Variants in WWOX observed in about 807,000 individuals in gnomAD.
WWOX encodes WW domain-containing oxidoreductase.
A neutral mutation model predicts 46.2 loss-of-function variants in WWOX; 69 were observed. The observed-to-expected ratio is 1.49, with a 90% CI of 1.23 to 1.82. WWOX has a LOEUF of 1.82. Ranked by LOEUF, WWOX falls within the 40% of genes most tolerant of loss-of-function variation. The pLI, the probability that WWOX is intolerant of heterozygous loss-of-function variation, is 0.00. For synonymous variants in WWOX, 359 were observed against 202.6 expected (o/e 1.77, Z -6.56); for missense variants, 919 against 542.6 (o/e 1.69, Z -6.89).
intron 8 of WWOX, among the ~76,000 whole-genome samples, chr16:78,772,551 T>C (rs2050089900): frequency 6.6e-6 from 1 of 152,216 alleles, no homozygotes; most frequent in South Asian, 2.1e-4. Context: ...TGTGAAGTTA[T>C]TATCTTCCCT....
At chr16:78,691,297 G>A (rs117800143) in intron 8 of WWOX, 11,112 of 701,500 alleles carry the variant, frequency 0.016, 139 homozygotes, top group South Asian at 0.034. Context: ...ACTTTGGTGA[G>A]TTCTTACCTT....
intron 5 of WWOX, among the ~76,000 whole-genome samples, chr16:78,239,486 C>T (rs1451284870): frequency 6.6e-6 from 1 of 152,134 alleles, no homozygotes; most frequent in Non-Finnish European, 1.5e-5. Context: ...CTTCCCAGGC[C>T]CCTCTATCCC....
chr16:78,359,867 C>T (rs958705721), intron 5 of WWOX, among the ~76,000 whole-genome samples: 1 of 152,148 alleles, frequency 6.6e-6, no homozygotes, highest in Admixed American at 6.6e-5. Flanking sequence ...TTTGTTTTGA[C>T]ACAGCAAAAA....
chr16:79,171,144 C>T (rs1473624651), intron 8 of WWOX, among the ~76,000 whole-genome samples: 1 of 152,122 alleles, frequency 6.6e-6, no homozygotes, highest in Non-Finnish European at 1.5e-5. Context: ...CAGGAGTTGC[C>T]TTGGATATCA....
intron 8 of WWOX, among the ~76,000 whole-genome samples, chr16:78,916,242 C>T (rs536632383): frequency 1.3e-5 from 2 of 152,110 alleles, no homozygotes; most frequent in South Asian, 4.2e-4. Context: ...AGTTTGCCGG[C>T]CAGGAAGTTT....
chr16:78,702,048 AT>A (rs1413087660), intron 8 of WWOX, among the ~76,000 whole-genome samples: 55 of 103,224 alleles, frequency 5.3e-4, no homozygotes, highest in African/African-American at 1.2e-3. Context: ...TATATATAAA[AT>A]AATGCAGAAG....
chr16:78,674,731 C>G (rs1205417522), intron 8 of WWOX, among the ~76,000 whole-genome samples: 1 of 152,144 alleles, frequency 6.6e-6, no homozygotes, highest in Non-Finnish European at 1.5e-5. Context: ...AATGGAGAAT[C>G]TTTCACTATG....
intron 4 of WWOX, among the ~76,000 whole-genome samples, chr16:78,147,804 CTT>C (rs71137876): frequency 0.2 from 27,736 of 141,728 alleles, 2,560 homozygotes; most frequent in East Asian, 0.23. Context: ...GAATGAAGGT[CTT>C]TTTTTTTTTT....
intron 8 of WWOX, among the ~76,000 whole-genome samples, chr16:78,498,988 A>T (rs1192734206): frequency 6.6e-6 from 1 of 152,210 alleles, no homozygotes; most frequent in Admixed American, 6.5e-5. Flanking sequence ...AATACTTCTG[A>T]AGGCTTTTTG....
chr16:78,900,246 G>C (rs1254197707), intron 8 of WWOX, among the ~76,000 whole-genome samples: 3 of 151,750 alleles, frequency 2.0e-5, no homozygotes, highest in Non-Finnish European at 2.9e-5. Flanking sequence ...TTCTCCTCCT[G>C]TTTTGTGTCA....
At chr16:78,987,981 G>C (rs2046813692) in intron 8 of WWOX, among the ~76,000 whole-genome samples, 1 of 151,932 alleles carries the variant, frequency 6.6e-6, no homozygotes, top group Non-Finnish European at 1.5e-5. Context: ...GTAATTTCAA[G>C]AAATTTTAAT....
chr16:78,943,899 C>A (rs1377936152), intron 8 of WWOX, among the ~76,000 whole-genome samples: 1 of 152,178 alleles, frequency 6.6e-6, no homozygotes. Context: ...AAGCAGCAGC[C>A]ACAGGAACCC....
intron 8 of WWOX, among the ~76,000 whole-genome samples, chr16:78,996,015 A>G (rs2046981068): frequency 6.6e-6 from 1 of 152,224 alleles, no homozygotes; most frequent in African/African-American, 2.4e-5. Context: ...TGAATGAAAT[A>G]CATTTTCATT....
At chr16:78,767,230 C>G (rs1004065482) in intron 8 of WWOX, among the ~76,000 whole-genome samples, 2 of 152,054 alleles carry the variant, frequency 1.3e-5, no homozygotes, top group Non-Finnish European at 2.9e-5. Context: ...CAGTGATCCT[C>G]CCACCTCAGC....
At chr16:78,228,342 T>C (rs966989992) in intron 5 of WWOX, among the ~76,000 whole-genome samples, 2,783 of 25,146 alleles carry the variant, frequency 0.11, 65 homozygotes, top group African/African-American at 0.21. Flanking sequence ...ATTCTCTCTT[T>C]TTTTTTTTTT....
At chr16:78,665,392 T>C (rs533438951) in intron 8 of WWOX, among the ~76,000 whole-genome samples, 4 of 152,310 alleles carry the variant, frequency 2.6e-5, no homozygotes, top group African/African-American at 9.6e-5. Context: ...ATTATTATTA[T>C]TGAGTTACTG....
intron 8 of WWOX, among the ~76,000 whole-genome samples, chr16:78,910,435 C>T (rs1000460541): frequency 6.6e-6 from 1 of 151,768 alleles, no homozygotes; most frequent in Non-Finnish European, 1.5e-5. Flanking sequence ...TTCCTCACTG[C>T]AGGAGAACCT....
chr16:78,789,032 G>C (rs543594270), intron 8 of WWOX, among the ~76,000 whole-genome samples: 33 of 152,242 alleles, frequency 2.2e-4, no homozygotes, highest in African/African-American at 7.5e-4. Context: ...TTATTCTTTT[G>C]ATATCATCTC....
intron 7 of WWOX, among the ~76,000 whole-genome samples, chr16:78,425,438 G>T (rs377028663): frequency 6.6e-6 from 1 of 152,144 alleles, no homozygotes; most frequent in Non-Finnish European, 1.5e-5. Context: ...TAGAGCCTGC[G>T]AGATGAAATC....
Sources: gnomAD v4.1 joint callset for allele counts (sites outside exome capture counted in the v4.1 genomes callset) on GRCh38, gnomAD v4.1.1 for gene constraint, MANE v1.5 for transcripts, NCBI Gene and HGNC (gene_info 2026-07-23, HGNC 2026-07-21) for gene names.